GRIA1: variants seen among roughly 807,000 people sequenced by gnomAD.
GRIA1 encodes glutamate receptor 1.
Under a neutral mutation model 99.2 loss-of-function variants are expected in GRIA1, and 31 were observed. That is an observed-to-expected ratio of 0.31 (90% CI 0.23 to 0.42). GRIA1 has a LOEUF of 0.42. GRIA1 is among the 10% of genes least tolerant of loss of function. GRIA1 has a pLI of 1.00. For synonymous variants in GRIA1, 438 were observed against 432.4 expected (o/e 1.01, Z -0.16); for missense variants, 782 against 1,157.5 (o/e 0.68, Z 4.71).
At chr5:153,658,997 C>A (rs1356019880) in intron 5 of GRIA1, among the ~76,000 whole-genome samples, 34 of 141,518 alleles carry the variant, frequency 2.4e-4, no homozygotes, top group Admixed American at 8.3e-4. Flanking sequence ...AACAAACAAA[C>A]AAAAAAAAAA....
chr5:153,580,972 T>A (rs1762996177), intron 2 of GRIA1, among the ~76,000 whole-genome samples: 1 of 152,176 alleles, frequency 6.6e-6, no homozygotes. Context: ...TTATGACAGC[T>A]TTTTCCTAAA....
At chr5:153,494,985 T>C (rs1324487673) in intron 2 of GRIA1, among the ~76,000 whole-genome samples, 1 of 152,180 alleles carries the variant, frequency 6.6e-6, no homozygotes, top group South Asian at 2.1e-4. Flanking sequence ...GAGCTGTCTC[T>C]GGTGGAAGTC....
rs1470480941 is a variant in GRIA1, at chr5:153,813,749, T to G, written c.*2524T>G. On this transcript the variant is annotated 3_prime_UTR_variant, in exon 16 of 16. Transcript: ENST00000285900. ...GGCAGATGTGTGAAAGGATTCTTGC[T>G]TGATCAAACACTAAGTATTTTTTTG... 1.3e-5 allele frequency: 2 copies of G among 152,242 alleles called. No individual in the cohort carries two copies. The highest frequency in any genetic ancestry group is 4.8e-5 in the African/African-American group (2 of 41,462). The allele number at this position is 152,242 out of a possible 1,614,324, so 9.4% of individuals were successfully genotyped here. A position where few individuals can be genotyped will look rare whatever the true frequency, so the allele number is the denominator to read the frequency against.
chr5:153,491,257 C>T, intron 1 of GRIA1: 1 of 1,332,786 alleles, frequency 7.5e-7, no homozygotes, highest in South Asian at 2.0e-5. Context: ...AAAAAAAAAT[C>T]AGGCTGGAAA....
intron 2 of GRIA1, among the ~76,000 whole-genome samples, chr5:153,638,216 G>A (rs781330346): frequency 2.0e-5 from 3 of 152,168 alleles, no homozygotes; most frequent in Non-Finnish European, 4.4e-5. Flanking sequence ...TGAGGGCAAA[G>A]GCATCATCTG....
intron 2 of GRIA1, among the ~76,000 whole-genome samples, chr5:153,496,290 G>A (rs558169903): frequency 6.6e-6 from 1 of 152,268 alleles, no homozygotes; most frequent in South Asian, 2.1e-4. Flanking sequence ...CTGAGTTCTT[G>A]AACTTGATGC....
intron 2 of GRIA1, among the ~76,000 whole-genome samples, chr5:153,634,674 T>C (rs1753224068): frequency 6.6e-6 from 1 of 152,222 alleles, no homozygotes; most frequent in Non-Finnish European, 1.5e-5. Flanking sequence ...AAGGCAAGTA[T>C]ACGTGCATTG....
chr5:153,537,875 A>G (rs377500903), intron 2 of GRIA1, among the ~76,000 whole-genome samples: 1 of 152,188 alleles, frequency 6.6e-6, no homozygotes, highest in Admixed American at 6.5e-5. Context: ...GAAAACTAAG[A>G]CTTGTTTAAT....
chr5:153,664,702 C>A (rs1320583136), intron 5 of GRIA1, among the ~76,000 whole-genome samples: 2 of 152,080 alleles, frequency 1.3e-5, no homozygotes, highest in Non-Finnish European at 2.9e-5. Context: ...ATAGCATGGG[C>A]CTGACAGTGT....
chr5:153,607,573 A>G (rs568825268), intron 2 of GRIA1, among the ~76,000 whole-genome samples: 37 of 152,052 alleles, frequency 2.4e-4, no homozygotes, highest in Non-Finnish European at 4.6e-4. Flanking sequence ...TTACTCCTGT[A>G]TTAATTTGAA....
intron 11 of GRIA1, among the ~76,000 whole-genome samples, chr5:153,724,731 GA>G (rs1760372916): frequency 6.6e-6 from 1 of 151,954 alleles, no homozygotes; most frequent in South Asian, 2.1e-4. Context: ...AAGCCTCCAA[GA>G]AATATGGGAC....
At chr5:153,701,010 T>C (rs1758480119) in intron 10 of GRIA1, among the ~76,000 whole-genome samples, 2 of 152,204 alleles carry the variant, frequency 1.3e-5, no homozygotes, top group Non-Finnish European at 2.9e-5. Context: ...GGATAGTACA[T>C]GCTGCAGCTG....
At chr5:153,637,168 C>T (rs1753426337) in intron 2 of GRIA1, among the ~76,000 whole-genome samples, 1 of 152,170 alleles carries the variant, frequency 6.6e-6, no homozygotes, top group Admixed American at 6.5e-5. Context: ...AAGAATGGTA[C>T]TTTTCTAAGT....
At chr5:153,611,191 G>A (rs1765951221) in intron 2 of GRIA1, among the ~76,000 whole-genome samples, 1 of 152,184 alleles carries the variant, frequency 6.6e-6, no homozygotes, top group Admixed American at 6.5e-5. Context: ...ACTGAACTAT[G>A]ATGACCTGGT....
chr5:153,756,100 C>A (rs1762811520), intron 11 of GRIA1, among the ~76,000 whole-genome samples: 1 of 152,202 alleles, frequency 6.6e-6, no homozygotes, highest in African/African-American at 2.4e-5. Context: ...TTGGCTCCAG[C>A]CCCCCAACAG....
chr5:153,664,120 C>T (rs558394739), intron 5 of GRIA1, among the ~76,000 whole-genome samples: 2 of 152,176 alleles, frequency 1.3e-5, no homozygotes, highest in Non-Finnish European at 2.9e-5. Context: ...TGTTTCCTTA[C>T]CTATCCCTCT....
At chr5:153,773,122 T>C (rs1461228) in intron 13 of GRIA1, among the ~76,000 whole-genome samples, 2,731 of 152,274 alleles carry the variant, frequency 0.018, 90 homozygotes, top group African/African-American at 0.062. Flanking sequence ...CAGTGCCTAT[T>C]AAGTGCCACT....
intron 3 of GRIA1, among the ~76,000 whole-genome samples, chr5:153,648,541 G>T (rs1754319938): frequency 6.6e-6 from 1 of 152,114 alleles, no homozygotes; most frequent in Non-Finnish European, 1.5e-5. Context: ...ATAAAATAGG[G>T]ATAATAATAG....
At chr5:153,736,035 A>T (rs1408173325) in intron 11 of GRIA1, among the ~76,000 whole-genome samples, 1 of 152,212 alleles carries the variant, frequency 6.6e-6, no homozygotes, top group Non-Finnish European at 1.5e-5. Flanking sequence ...AATCATCAGC[A>T]TACAGTATTT....
Sources: gnomAD v4.1 joint callset for allele counts (sites outside exome capture counted in the v4.1 genomes callset) on GRCh38, gnomAD v4.1.1 for gene constraint, MANE v1.5 for transcripts, NCBI Gene and HGNC (gene_info 2026-07-23, HGNC 2026-07-21) for gene names.